The following TMEM132D variants were observed in gnomAD, a reference collection of about 807,000 sequenced individuals.
TMEM132D encodes transmembrane protein 132D, also known as mature OL transmembrane protein.
Under a neutral mutation model 62.3 loss-of-function variants are expected in TMEM132D, and 21 were observed. The observed-to-expected ratio is 0.34, with a 90% CI of 0.24 to 0.49. The LOEUF is 0.49. Ranked by LOEUF, TMEM132D falls within the 20% of genes least tolerant of loss-of-function variation. TMEM132D has a pLI of 0.99. For missense variants in TMEM132D, 1,346 were observed against 1,402.8 expected, an observed-to-expected ratio of 0.96 and a Z score of 0.65; for synonymous variants, 621 against 575.6, an observed-to-expected ratio of 1.08 and a Z score of -1.13.
chr12:129,418,239 CT>C (rs1326857256), intron 3 of TMEM132D, among the ~76,000 whole-genome samples: 1 of 152,136 alleles, frequency 6.6e-6, no homozygotes, highest in Non-Finnish European at 1.5e-5. Flanking sequence ...ATAAATCATT[CT>C]ACTATAAAGA....
At chr12:129,228,812 C>A (rs575064280) in intron 4 of TMEM132D, among the ~76,000 whole-genome samples, 3 of 152,162 alleles carry the variant, frequency 2.0e-5, no homozygotes, top group South Asian at 2.1e-4. Context: ...TTCCAAGGAC[C>A]GCATCCCGCC....
At position 129,644,454 on chromosome 12, in the gene TMEM132D, G is replaced by A. The variant is rs193104744; in HGVS notation, c.968+55356C>T. On this transcript the variant is annotated intron_variant, in intron 2 of 8. Coordinates refer to ENST00000422113, the MANE Select transcript of TMEM132D (RefSeq NM_133448.3). Reference sequence around the variant, plus strand: ...AGCTGTAATAGACTATCAGCCCCACGAGGGCAATGTGGACTCCTGGGAAGG... The same window carrying A: ...AGCTGTAATAGACTATCAGCCCCACAAGGGCAATGTGGACTCCTGGGAAGG... Among the ~76,000 whole-genome samples the A allele has an allele frequency of 5.7e-4, 86 of 152,134 alleles. 1 individual carries two copies. Among genetic ancestry groups the A allele is most frequent in the African/African-American group, 2.0e-3 (83 of 41,526 alleles).
At chr12:129,095,842 G>A (rs1453783883) in intron 5 of TMEM132D, among the ~76,000 whole-genome samples, 1 of 152,098 alleles carries the variant, frequency 6.6e-6, no homozygotes, top group Non-Finnish European at 1.5e-5. Flanking sequence ...ATGAAGCTCT[G>A]TTGTGTAAGC....
At chr12:129,207,780 T>A (rs575181761) in intron 5 of TMEM132D, among the ~76,000 whole-genome samples, 1 of 152,196 alleles carries the variant, frequency 6.6e-6, no homozygotes, top group East Asian at 1.9e-4. Context: ...AAAAAAAGTA[T>A]TGATCCATAA....
intron 2 of TMEM132D, among the ~76,000 whole-genome samples, chr12:129,583,101 C>T (rs1419345327): frequency 2.0e-5 from 3 of 152,186 alleles, no homozygotes; most frequent in Non-Finnish European, 4.4e-5. Flanking sequence ...AGCCACTGTG[C>T]CCAGCCCTGA....
chr12:129,804,570 C>T (rs1284264773), intron 1 of TMEM132D, among the ~76,000 whole-genome samples: 1 of 147,440 alleles, frequency 6.8e-6, no homozygotes, highest in East Asian at 2.0e-4. Context: ...TATGACAAAC[C>T]CACAGCCAAT....
intron 4 of TMEM132D, among the ~76,000 whole-genome samples, chr12:129,263,287 C>A (rs989188199): frequency 6.6e-6 from 1 of 152,144 alleles, no homozygotes; most frequent in East Asian, 1.9e-4. Flanking sequence ...AATGACCCAA[C>A]TTGGGTATCT....
At chr12:129,852,448 G>A (rs1466857395) in intron 1 of TMEM132D, 1 of 152,216 alleles carries the variant, frequency 6.6e-6, no homozygotes, top group Admixed American at 6.5e-5. Context: ...TAAGGTTGAA[G>A]TGGGAGGATT....
intron 1 of TMEM132D, among the ~76,000 whole-genome samples, chr12:129,826,677 A>C (rs1872672560): frequency 6.6e-6 from 1 of 152,194 alleles, no homozygotes; most frequent in African/African-American, 2.4e-5. Flanking sequence ...AGAATTTCAA[A>C]AGCCAACAGA....
intron 3 of TMEM132D, among the ~76,000 whole-genome samples, chr12:129,503,733 G>T (rs1468574175): frequency 6.6e-6 from 1 of 152,106 alleles, no homozygotes; most frequent in African/African-American, 2.4e-5. Flanking sequence ...TTAAAAACAA[G>T]ATGGGAGACA....
chr12:129,343,797 C>T (rs1869594002), intron 3 of TMEM132D, among the ~76,000 whole-genome samples: 1 of 151,012 alleles, frequency 6.6e-6, no homozygotes, highest in Admixed American at 6.6e-5. Context: ...ATGAGCCGGG[C>T]ATGGTGGCGT....
At chr12:129,566,003 C>T (rs968286561) in intron 2 of TMEM132D, among the ~76,000 whole-genome samples, 3 of 152,154 alleles carry the variant, frequency 2.0e-5, no homozygotes, top group South Asian at 2.1e-4. Flanking sequence ...TGACAAAATG[C>T]GTATAGCACT....
chr12:129,739,138 T>C (rs764236762), intron 1 of TMEM132D, among the ~76,000 whole-genome samples: 16 of 152,180 alleles, frequency 1.1e-4, no homozygotes, highest in Non-Finnish European at 2.1e-4. Context: ...CAGCTCACTC[T>C]TAGGCGGTAT....
chr12:129,117,542 C>A (rs1367497770), intron 5 of TMEM132D, among the ~76,000 whole-genome samples: 2 of 150,200 alleles, frequency 1.3e-5, no homozygotes, highest in East Asian at 2.0e-4. Context: ...ATTTTCAAGA[C>A]AGCCCAATAA....
chr12:129,758,446 T>G (rs1242164481), intron 1 of TMEM132D, among the ~76,000 whole-genome samples: 1 of 152,210 alleles, frequency 6.6e-6, no homozygotes, highest in Non-Finnish European at 1.5e-5. Flanking sequence ...TAAAATTAAT[T>G]ATTAATGTGA....
chr12:129,552,543 C>T (rs999603574), intron 2 of TMEM132D, among the ~76,000 whole-genome samples: 1 of 142,712 alleles, frequency 7.0e-6, no homozygotes, highest in African/African-American at 2.6e-5. Flanking sequence ...AACTACCTAC[C>T]TATTATCTAT....
chr12:129,095,397 T>G (rs985347264), intron 5 of TMEM132D, among the ~76,000 whole-genome samples: 7 of 136,572 alleles, frequency 5.1e-5, no homozygotes, highest in Non-Finnish European at 6.1e-5. Context: ...TCACCCAGGC[T>G]GGAGTGGAGT....
At chr12:129,575,639 C>A (rs1394228379) in intron 2 of TMEM132D, among the ~76,000 whole-genome samples, 1 of 151,694 alleles carries the variant, frequency 6.6e-6, no homozygotes, top group Non-Finnish European at 1.5e-5. Flanking sequence ...GCCTAGTGGT[C>A]AGATTGGACT....
chr12:129,399,176 C>G (rs558684870), intron 3 of TMEM132D, among the ~76,000 whole-genome samples: 1 of 149,122 alleles, frequency 6.7e-6, no homozygotes, highest in African/African-American at 2.6e-5. Flanking sequence ...ACAATCAACT[C>G]ACTTCTGCAA....
Sources: allele counts gnomAD v4.1 joint callset (sites outside exome capture counted in the v4.1 genomes callset), GRCh38; gene constraint gnomAD v4.1.1; transcripts MANE v1.5; gene names NCBI Gene and HGNC (gene_info 2026-07-23, HGNC 2026-07-21).